Variants in HIPK3 observed in about 807,000 individuals in gnomAD.
HIPK3 encodes homeodomain interacting protein kinase 3.
HIPK3 carries 47 observed loss-of-function variants against 124.2 expected under a neutral mutation model. That is an observed-to-expected ratio of 0.38 (90% CI 0.30 to 0.48). HIPK3 has a LOEUF of 0.48. Among genes scored for constraint, HIPK3 ranks in the 20% least tolerant of loss-of-function variants. The pLI, the probability that HIPK3 is intolerant of heterozygous loss-of-function variation, is 0.98. For synonymous variants in HIPK3, 482 were observed against 515.2 expected (o/e 0.94, Z 0.87); for missense variants, 1,286 against 1,454.3 (o/e 0.88, Z 1.88).
At chr11:33,319,902 C>G (rs529883116) in intron 2 of HIPK3, among the ~76,000 whole-genome samples, 1 of 152,282 alleles carries the variant, frequency 6.6e-6, no homozygotes, top group East Asian at 1.9e-4. Context: ...GGAAGAAAGG[C>G]AAGTGCCATG....
At chr11:33,298,692 A>C (rs571352109) in intron 2 of HIPK3, among the ~76,000 whole-genome samples, 5 of 152,342 alleles carry the variant, frequency 3.3e-5, no homozygotes, top group African/African-American at 1.2e-4. Flanking sequence ...GGGGTTCAAG[A>C]CTTCAGTCTT....
chr11:33,302,596 A>G lies in HIPK3; in HGVS notation c.1097+15085A>G, dbSNP rs183338638. Among the ~76,000 whole-genome samples, 4 of 152,160 alleles carry G rather than the reference A, an allele frequency of 2.6e-5. No homozygotes were observed. In the East Asian group the frequency reaches 7.7e-4, roughly 29 times the overall value. On this transcript the variant is annotated intron_variant, in intron 2 of 16. Transcript: ENST00000303296. The stretch of plus-strand genomic sequence containing the variant: ...AGTGGTCCACCCACCTTGGCCTCCC[A>G]AGTGCTGGGATTACAGGCATGGGTC...
intron 2 of HIPK3, among the ~76,000 whole-genome samples, chr11:33,315,634 A>T (rs532902836): frequency 6.6e-6 from 1 of 152,290 alleles, no homozygotes; most frequent in South Asian, 2.1e-4. Context: ...AAGTGATGGG[A>T]TTACAGATGT....
At chr11:33,327,030 T>A (rs1194416382) in intron 2 of HIPK3, among the ~76,000 whole-genome samples, 1 of 152,038 alleles carries the variant, frequency 6.6e-6, no homozygotes, top group Non-Finnish European at 1.5e-5. Flanking sequence ...GGATTATAAC[T>A]CATTGAACAA....
intron 2 of HIPK3, among the ~76,000 whole-genome samples, chr11:33,300,053 G>C (rs1283844502): frequency 7.0e-6 from 1 of 142,798 alleles, no homozygotes; most frequent in Non-Finnish European, 1.5e-5. Flanking sequence ...AAGAAAGAAA[G>C]AAAAGAGGCC....
intron 4 of HIPK3, among the ~76,000 whole-genome samples, chr11:33,337,934 A>G (rs1224474236): frequency 6.6e-6 from 1 of 152,186 alleles, no homozygotes; most frequent in Non-Finnish European, 1.5e-5. Flanking sequence ...GGCCTCCCAA[A>G]GTGCTGGGAT....
At chr11:33,297,320 T>C (rs1851868676) in intron 2 of HIPK3, among the ~76,000 whole-genome samples, 2 of 152,110 alleles carry the variant, frequency 1.3e-5, no homozygotes, top group African/African-American at 2.4e-5. Flanking sequence ...TCTTGAACCC[T>C]TGACCTCAGG....
Position 33,286,919 on chromosome 11 carries a change from A to G in HIPK3, c.505A>G (p.Thr169Ala). 6.2e-7 allele frequency: 1 copy of G among 1,614,250 alleles called. No homozygotes were observed. The highest frequency in any genetic ancestry group is 8.5e-7 in the Non-Finnish European group (1 of 1,180,040). ...TCCAGTGACAGTTGTGACAGCTACC[A>G]CAGGATCAAAACAGAATTGTACCAC... ...GNPVTVVTAT[T>A]GSKQNCTTGE... The change falls in exon 2 of 17, where the codon ACA (threonine) becomes GCA (alanine). Residue 169 changes from threonine (T) to alanine (A), a missense_variant. Around this residue, in one of 3 missense-constraint regions of HIPK3, gnomAD observed 225 missense variants for 240.3 expected, o/e 0.94. Coordinates refer to ENST00000303296, the MANE Select transcript of HIPK3 (RefSeq NM_005734.5).
chr11:33,330,264 T>C lies in HIPK3; in HGVS notation c.1221+1631T>C, dbSNP rs193072244. Among the ~76,000 whole-genome samples the C allele has an allele frequency of 1.0e-3, 157 of 152,330 alleles. 1 individual carries two copies. The highest frequency in any genetic ancestry group is 1.8e-3 in the Non-Finnish European group (120 of 68,030). On this transcript the variant is annotated intron_variant, in intron 3 of 16. Coordinates refer to ENST00000303296, the MANE Select transcript of HIPK3 (RefSeq NM_005734.5). ...ATATTACCAAAGGGATTAAAAAAAGTCATTGGCCCTTGGCATATAGCATCA... is the reference window on the plus strand; with the variant it reads ...ATATTACCAAAGGGATTAAAAAAAGCCATTGGCCCTTGGCATATAGCATCA...
chr11:33,348,196 G>A lies in HIPK3; in HGVS notation c.2337G>A (p.Glu779=). Residue 779 remains glutamate, a synonymous_variant, in exon 12 of 17, where the codon GAG becomes GAA. Coordinates refer to ENST00000303296, the MANE Select transcript of HIPK3 (RefSeq NM_005734.5). The stretch of plus-strand genomic sequence containing the variant: ...TTTTGGTAAAACTAATGGAATGGGA[G>A]CCAGGAAGAGAGGAAATAAATGCTT... ...RGILVKLMEW[E]PGREEINAFS... is the part of the protein sequence containing the mutation. The A allele has an allele frequency of 1.9e-6, 3 of 1,613,950 alleles. No homozygotes were observed. The highest frequency in any genetic ancestry group is 2.5e-6 in the Non-Finnish European group (3 of 1,179,896).
intron 2 of HIPK3, among the ~76,000 whole-genome samples, chr11:33,303,178 A>G (rs1417645654): frequency 6.6e-6 from 1 of 152,188 alleles, no homozygotes; most frequent in Non-Finnish European, 1.5e-5. Context: ...CAAGTCCCTT[A>G]TATAAAATGG....
chr11:33,350,779 T>C (rs573357230), intron 14 of HIPK3, among the ~76,000 whole-genome samples: 1 of 152,312 alleles, frequency 6.6e-6, no homozygotes, highest in African/African-American at 2.4e-5. Context: ...ACACATCTTT[T>C]TCCTTAGGAA....
chr11:33,286,758 G>A lies in HIPK3; in HGVS notation c.344G>A (p.Arg115Lys). The A allele has an allele frequency of 6.2e-7, 1 of 1,614,106 alleles. No individual in the cohort carries two copies. Among genetic ancestry groups the A allele is most frequent in the East Asian group, 2.2e-5 (1 of 44,890 alleles). ...QAPQIGAWRN[R>K]LHFLEGPQRC... Reference sequence around the variant, plus strand: ...CCTCAGATTGGGGCGTGGCGAAACAGATTGCATTTCCTAGAAGGCCCCCAG... The same window carrying A: ...CCTCAGATTGGGGCGTGGCGAAACAAATTGCATTTCCTAGAAGGCCCCCAG... The change falls in exon 2 of 17, where the codon AGA (arginine) becomes AAA (lysine). Residue 115 changes from arginine to lysine, a missense_variant. By Grantham distance (26) the Arg-to-Lys change is conservative. Around this residue, in one of 3 missense-constraint regions of HIPK3, gnomAD observed 225 missense variants for 240.3 expected, o/e 0.94. Transcript: ENST00000303296.
chr11:33,346,440 T>TGC (rs1026010213), intron 8 of HIPK3, among the ~76,000 whole-genome samples: 23 of 152,338 alleles, frequency 1.5e-4, no homozygotes, highest in African/African-American at 5.1e-4. Flanking sequence ...GAAATGAGTG[T>TGC]GCCATCCCGG....
chr11:33,291,788 AAC>A, intron 2 of HIPK3, among the ~76,000 whole-genome samples: 1 of 152,272 alleles, frequency 6.6e-6, no homozygotes, highest in African/African-American at 2.4e-5. Flanking sequence ...GTCATTTCAG[AAC>A]ACAGAGACAG....
chr11:33,266,582 T>C (rs998469038), intron 1 of HIPK3, among the ~76,000 whole-genome samples: 1 of 152,044 alleles, frequency 6.6e-6, no homozygotes, highest in Non-Finnish European at 1.5e-5. Context: ...TGGTGCATGC[T>C]TGTGGTCCTA....
rs140531306 is a variant in HIPK3, at chr11:33,351,748, C to A, written c.2948C>A (p.Ala983Asp). Residue 983 changes from alanine to aspartate, a missense_variant, in exon 15 of 17, where the codon GCT (alanine) becomes GAT (aspartate). By Grantham distance (126) the Ala-to-Asp change is moderately radical (BLOSUM62 -2). This residue lies in a region of HIPK3 where 810 missense variants were observed against 864.9 expected (regional missense o/e 0.94). Coordinates refer to ENST00000303296, the MANE Select transcript of HIPK3 (RefSeq NM_005734.5). Reference protein sequence around the residue: ...THENTELVSSADTETKPAVCS... With the variant: ...THENTELVSSDDTETKPAVCS... ...GAAAACACAGAATTGGTATCCTCTG[C>A]TGACACAGAAACCAAGCCAGCTGTC... The A allele has an allele frequency of 3.7e-6, 6 of 1,614,066 alleles. No homozygotes were observed. In the African/African-American group the frequency reaches 6.7e-5, roughly 18 times the overall value.
intron 2 of HIPK3, among the ~76,000 whole-genome samples, chr11:33,304,951 A>G (rs181769020): frequency 6.6e-6 from 1 of 152,336 alleles, no homozygotes; most frequent in East Asian, 1.9e-4. Context: ...TGACAAGGAT[A>G]TTTCTGGTCT....
chr11:33,343,953 C>G (rs187105188), intron 8 of HIPK3, among the ~76,000 whole-genome samples: 15 of 152,248 alleles, frequency 9.9e-5, no homozygotes, highest in Non-Finnish European at 2.1e-4. Flanking sequence ...ATGCCCACAT[C>G]ATTGTAGTGT....
Sources: allele counts gnomAD v4.1 joint callset (sites outside exome capture counted in the v4.1 genomes callset), GRCh38; gene constraint gnomAD v4.1.1; regional missense constraint gnomAD v4.1.1; transcripts MANE v1.5; gene names NCBI Gene and HGNC (gene_info 2026-07-23, HGNC 2026-07-21).